Variants in NRXN2 observed in about 807,000 individuals in gnomAD.
NRXN2 encodes neurexin-2-beta.
NRXN2 carries 29 observed loss-of-function variants against 128.8 expected under a neutral mutation model. The observed-to-expected ratio is 0.23, with a 90% CI of 0.17 to 0.31. NRXN2 has a LOEUF of 0.31. Ranked by LOEUF, NRXN2 falls within the 10% of genes least tolerant of loss-of-function variation. The probability of loss-of-function intolerance (pLI) is 1.00; values close to 1 mark genes in which losing one functional copy is unlikely to be tolerated. For synonymous variants in NRXN2, 1,098 were observed against 1,075.2 expected, an observed-to-expected ratio of 1.02 and a Z score of -0.41; for missense variants, 1,881 against 2,452.6, an observed-to-expected ratio of 0.77 and a Z score of 4.92.
At position 64,630,174 on chromosome 11, in the gene NRXN2, G is replaced by A. The variant is rs2043672495; in HGVS notation, c.3757+228C>T. On this transcript the variant is annotated intron_variant, in intron 19 of 22. Transcript: ENST00000265459. This position sits in a 1 kb window ranked among gnomAD's most constrained non-coding sequence, Gnocchi z 4.6. ...CCCTGCACCCTCCCCCATAGGGGGC[G>A]CATTCGCACCACCACGGTCTCGCCC... Among the ~76,000 whole-genome samples the A allele has an allele frequency of 6.6e-6, 1 of 150,760 alleles. No individual in the cohort carries two copies. The highest frequency in any genetic ancestry group is 2.4e-5 in the African/African-American group (1 of 40,824).
intron 19 of NRXN2, among the ~76,000 whole-genome samples, chr11:64,629,728 C>G (rs747953892): frequency 9.2e-5 from 14 of 152,192 alleles, no homozygotes; most frequent in Non-Finnish European, 1.9e-4. Context: ...GCCCTGATAT[C>G]TAAGTAGGTT....
Position 64,606,933 on chromosome 11 carries a change from G to A in NRXN2, c.*263C>T, listed in dbSNP as rs2039720363. The A allele has an allele frequency of 1.9e-6, 1 of 533,760 alleles. No individual in the cohort carries two copies. Among genetic ancestry groups the A allele is most frequent in the Non-Finnish European group, 3.4e-6 (1 of 298,162 alleles). The allele number at this position is 533,760 out of a possible 1,614,324, so 33.1% of individuals were successfully genotyped here. ...CCCTTAAAAAAATAAATCAACCCAG[G>A]GCTGTGAGCACGTGCCCTGCCTGGC... On this transcript the variant is annotated 3_prime_UTR_variant, in exon 23 of 23. Coordinates refer to ENST00000265459, the MANE Select transcript of NRXN2 (RefSeq NM_015080.4).
intron 2 of NRXN2, among the ~76,000 whole-genome samples, chr11:64,701,372 T>C (rs564376416): frequency 1.1e-4 from 17 of 152,246 alleles, no homozygotes; most frequent in Non-Finnish European, 1.8e-4. Context: ...GCTATGTTTC[T>C]GCACATAATA....
chr11:64,692,984 G>A, intron 3 of NRXN2, 108 bp from the exon 4 acceptor site: 1 of 996,696 alleles, frequency 1.0e-6, no homozygotes, highest in Admixed American at 2.4e-5. Flanking sequence ...CAGCCAGAGA[G>A]AAGGGAGAAA....
Position 64,678,085 on chromosome 11 carries a change from C to A in NRXN2, c.1153-1048G>T, listed in dbSNP as rs1188867113. Among the ~76,000 whole-genome samples, 6 of 152,136 alleles carry A rather than the reference C, an allele frequency of 3.9e-5. No individual in the cohort carries two copies. In the East Asian group the frequency reaches 1.2e-3, roughly 29 times the overall value. Reference sequence around the variant, plus strand: ...TCCAGGGAGTCACTGAGGAGAGGGGCAGCTCCTCTGTTTTTGTTTTTGTTT... The same window carrying A: ...TCCAGGGAGTCACTGAGGAGAGGGGAAGCTCCTCTGTTTTTGTTTTTGTTT... On this transcript the variant is annotated intron_variant, in intron 6 of 22. Transcript: ENST00000265459.
rs567290374 is a variant in NRXN2 at position 64,651,012 on chromosome 11, G to A, written c.2918+243C>T. 6.6e-6 allele frequency among the ~76,000 whole-genome samples: 1 copy of A among 152,298 alleles called. No individual in the cohort carries two copies. Among genetic ancestry groups the A allele is most frequent in the East Asian group, 1.9e-4 (1 of 5,178 alleles). On this transcript the variant is annotated intron_variant, in intron 14 of 22. Coordinates refer to ENST00000265459, the MANE Select transcript of NRXN2 (RefSeq NM_015080.4). The surrounding 1 kb of genome is among the most constrained non-coding windows in gnomAD (Gnocchi z 5.9). ...TCTGCCTGTAGAGAAGGTGACAGTG[G>A]ACAGAGAACAGATATAACAGGGAAC...
chr11:64,692,621 G>A (rs1592151420), intron 4 of NRXN2, among the ~76,000 whole-genome samples: 1 of 152,188 alleles, frequency 6.6e-6, no homozygotes. Context: ...TTCAGGGTGG[G>A]TGAGGGAGAG....
In NRXN2 at chr11:64,712,998, C is replaced by T. The variant is rs1250396848; in HGVS notation, c.702G>A (p.Thr234=). The T allele has an allele frequency of 1.9e-5, 28 of 1,493,038 alleles. No homozygotes were observed. In the South Asian group the frequency reaches 3.2e-4, roughly 17 times the overall value. The allele number at this position is 1,493,038 out of a possible 1,614,324, so 92.5% of individuals were successfully genotyped here. A position where few individuals can be genotyped will look rare whatever the true frequency, so the allele number is the denominator to read the frequency against. The change falls in exon 2 of 23, where the codon ACG becomes ACA. Residue 234 remains threonine, a synonymous_variant. Transcript: ENST00000265459. The part of the protein sequence containing the change: ...PGEVGCDCSH[T]GFGGKFCSEE... ...CGCTGCAGAACTTGCCGCCGAAGCC[C>T]GTGTGGCTGCAGTCGCAGCCCACCT... is the stretch of plus-strand genomic sequence containing the variant.
chr11:64,656,686 C>T (rs1256739584), intron 11 of NRXN2, among the ~76,000 whole-genome samples: 1 of 152,036 alleles, frequency 6.6e-6, no homozygotes, highest in African/African-American at 2.4e-5. Context: ...GTCCTCTCCT[C>T]CCCTCCAGGG....
chr11:64,651,994 C>T lies in NRXN2; in HGVS notation c.2536+41G>A, dbSNP rs376998041. The T allele has an allele frequency of 2.5e-6, 4 of 1,605,658 alleles. No homozygotes were observed. The highest frequency in any genetic ancestry group is 1.7e-5 in the Admixed American group (1 of 60,008). On this transcript the variant is annotated intron_variant, in intron 13 of 22. Transcript: ENST00000265459. The surrounding 1 kb of genome is among the most constrained non-coding windows in gnomAD (Gnocchi z 5.9). Reference sequence around the variant, plus strand: ...AAGTAGAACAGGGCCAAGCATAGGTCACTGGAGATGTGTCCACCTCCCTGG... The same window carrying T: ...AAGTAGAACAGGGCCAAGCATAGGTTACTGGAGATGTGTCCACCTCCCTGG...
At position 64,660,689 on chromosome 11, in the gene NRXN2, C is replaced by A; in HGVS notation, c.2185+64G>T. On this transcript the variant is annotated intron_variant, in intron 10 of 22. Coordinates refer to ENST00000265459, the MANE Select transcript of NRXN2 (RefSeq NM_015080.4). This position sits in a 1 kb window ranked among gnomAD's most constrained non-coding sequence, Gnocchi z 5.2. ...TGGCACAGGGATGGAAAGTAGGAGT[C>A]ACCCTGAGAAGGAGGAGCACAGGGA... The A allele has an allele frequency of 6.2e-7, 1 of 1,600,588 alleles. No homozygotes were observed. The highest frequency in any genetic ancestry group is 1.1e-5 in the South Asian group (1 of 90,946).
rs1310470620 is a variant in NRXN2, at chr11:64,723,135, C to G, written c.-409G>C. On this transcript the variant is annotated 5_prime_UTR_variant, in exon 1 of 23. Transcript: ENST00000265459. ...CGCCCGCCCCGCCGCGGTGCCTCTC[C>G]GAGGAGGATGCTCCGCGAGTCAGGG... The G allele has an allele frequency of 6.8e-6, 1 of 147,394 alleles. No individual in the cohort carries two copies. 9.1% of individuals were successfully genotyped at this position (147,394 alleles called of 1,614,324 possible). A position where few individuals can be genotyped will look rare whatever the true frequency, so the allele number is the denominator to read the frequency against.
chr11:64,672,968 C>T (rs1262892849), intron 7 of NRXN2, among the ~76,000 whole-genome samples: 1 of 152,188 alleles, frequency 6.6e-6, no homozygotes, highest in Non-Finnish European at 1.5e-5. Context: ...TTTTCCAGAA[C>T]AATCCCATTT....
In NRXN2 at chr11:64,660,707, C is replaced by A; in HGVS notation, c.2185+46G>T. The A allele has an allele frequency of 6.9e-6, 11 of 1,604,816 alleles. No homozygotes were observed. Among genetic ancestry groups the A allele is most frequent in the Non-Finnish European group, 9.3e-6 (11 of 1,179,882 alleles). On this transcript the variant is annotated intron_variant, in intron 10 of 22. Transcript: ENST00000265459. The surrounding 1 kb of genome is among the most constrained non-coding windows in gnomAD (Gnocchi z 5.2). ...TAGGAGTCACCCTGAGAAGGAGGAG[C>A]ACAGGGATAGGGAGCAGGGACACCT...
intron 9 of NRXN2, among the ~76,000 whole-genome samples, chr11:64,665,230 G>C (rs185333117): frequency 6.6e-6 from 1 of 151,388 alleles, no homozygotes; most frequent in Non-Finnish European, 1.5e-5. Context: ...GCAGTGAGCC[G>C]AGATCGCGCC....
intron 19 of NRXN2, among the ~76,000 whole-genome samples, chr11:64,627,392 C>T (rs906622891): frequency 6.6e-6 from 1 of 151,924 alleles, no homozygotes; most frequent in Non-Finnish European, 1.5e-5. Flanking sequence ...GCAGACACCC[C>T]CCGCCTTCCT....
At chr11:64,702,166 C>T (rs571026910) in intron 2 of NRXN2, among the ~76,000 whole-genome samples, 8,833 of 144,988 alleles carry the variant, frequency 0.061, 935 homozygotes, top group African/African-American at 0.22. Flanking sequence ...CCGCCCCGTC[C>T]GGGAGGGAGG....
At chr11:64,705,312 T>C (rs2056114175) in intron 2 of NRXN2, among the ~76,000 whole-genome samples, 1 of 152,168 alleles carries the variant, frequency 6.6e-6, no homozygotes, top group South Asian at 2.1e-4. Context: ...ATCCCAGCTC[T>C]TACATCTCTG....
intron 17 of NRXN2, among the ~76,000 whole-genome samples, chr11:64,644,545 A>G (rs1254155993): frequency 2.0e-5 from 3 of 152,022 alleles, no homozygotes; most frequent in African/African-American, 4.8e-5. Context: ...TGTCCCCCAA[A>G]CTTTTGGACG....
Sources: allele counts gnomAD v4.1 joint callset (sites outside exome capture counted in the v4.1 genomes callset), GRCh38; gene constraint gnomAD v4.1.1; non-coding constraint Gnocchi (gnomAD v3.1); transcripts MANE v1.5; gene names NCBI Gene and HGNC (gene_info 2026-07-23, HGNC 2026-07-21).